Variants in USH2A observed in about 807,000 individuals in gnomAD.
USH2A encodes usherin, also known as Usher syndrome 2A (autosomal recessive, mild).
Under a neutral mutation model 538.9 loss-of-function variants are expected in USH2A, and 443 were observed. The observed-to-expected ratio is 0.82, with a 90% CI of 0.76 to 0.89. The LOEUF (loss-of-function observed/expected upper bound fraction) is 0.89. USH2A is among the 40% of genes least tolerant of loss of function. USH2A has a pLI of 0.00. For synonymous variants in USH2A, 2,413 were observed against 2,273.5 expected, an observed-to-expected ratio of 1.06 and a Z score of -1.75; for missense variants, 6,633 against 6,324.8, an observed-to-expected ratio of 1.05 and a Z score of -1.65.
chr1:216,368,161 C>G (rs575838413), intron 3 of USH2A, among the ~76,000 whole-genome samples: 31 of 151,610 alleles, frequency 2.0e-4, no homozygotes, highest in Non-Finnish European at 4.1e-4. Flanking sequence ...ACATTTGTGT[C>G]CCTGTGATAG....
At chr1:215,740,644 T>C (rs1204202144) in intron 60 of USH2A, among the ~76,000 whole-genome samples, 3 of 152,184 alleles carry the variant, frequency 2.0e-5, no homozygotes, top group Non-Finnish European at 1.5e-5. Flanking sequence ...TGAGAAATAT[T>C]AGAATTCTTG....
intron 5 of USH2A, 84 bp from the exon 6 acceptor site, chr1:216,325,683 T>A: frequency 7.6e-7 from 1 of 1,320,492 alleles, no homozygotes; most frequent in Admixed American, 2.2e-5. Flanking sequence ...TGAATGTCAC[T>A]CGTTTAGTGC....
chr1:215,636,732 C>T (rs775579651), intron 69 of USH2A, among the ~76,000 whole-genome samples: 13 of 151,994 alleles, frequency 8.6e-5, no homozygotes, highest in South Asian at 2.1e-4. Flanking sequence ...CTGCCACTCT[C>T]CTGCTTGGAG....
intron 55 of USH2A, among the ~76,000 whole-genome samples, chr1:215,774,065 C>A (rs1034996458): frequency 3.3e-5 from 5 of 152,234 alleles, no homozygotes; most frequent in Admixed American, 6.5e-5. Context: ...TTTCCTCCCC[C>A]CCATTGAGCA....
chr1:216,416,228 G>C (rs1298410196), intron 3 of USH2A, among the ~76,000 whole-genome samples: 1 of 152,010 alleles, frequency 6.6e-6, no homozygotes, highest in Non-Finnish European at 1.5e-5. Context: ...TATTCAGACT[G>C]TTGTCCAATA....
intron 3 of USH2A, among the ~76,000 whole-genome samples, chr1:216,395,170 C>T (rs1194015834): frequency 1.3e-5 from 2 of 152,084 alleles, no homozygotes; most frequent in Admixed American, 6.6e-5. Context: ...AATTATTTTT[C>T]TATCTTAAGC....
intron 69 of USH2A, among the ~76,000 whole-genome samples, chr1:215,637,889 G>A (rs567388484): frequency 2.0e-5 from 3 of 151,810 alleles, no homozygotes; most frequent in African/African-American, 7.2e-5. Flanking sequence ...ATTTAAAATA[G>A]GATATCAATC....
rs5780870 is a variant in USH2A at position 216,125,239 on chromosome 1, CA to C, written c.4628-28027del. Among the ~76,000 whole-genome samples, 402 of 145,254 alleles carry C rather than the reference CA, an allele frequency of 2.8e-3. 2 individuals carry two copies. Among genetic ancestry groups the C allele is most frequent in the South Asian group, 5.4e-3 (25 of 4,612 alleles). ...TTGAATCAGCTTTTATTTAAACAAGCAAAAAAAAAAAATCCTCATAGAATCT... is the reference window on the plus strand; with the variant it reads ...TTGAATCAGCTTTTATTTAAACAAGCAAAAAAAAAAATCCTCATAGAATCT... On this transcript the variant is annotated intron_variant, in intron 21 of 71. Transcript: ENST00000307340.
At chr1:216,348,876 A>C (rs2038226460) in intron 4 of USH2A, among the ~76,000 whole-genome samples, 1 of 152,092 alleles carries the variant, frequency 6.6e-6, no homozygotes, top group Non-Finnish European at 1.5e-5. Context: ...AAAAAACCAA[A>C]ATGAATGGGC....
chr1:215,999,651 AAC>A (rs1668219181), intron 33 of USH2A, among the ~76,000 whole-genome samples: 2 of 152,144 alleles, frequency 1.3e-5, no homozygotes, highest in African/African-American at 4.8e-5. Context: ...CAAGTCATAG[AAC>A]AGACAGGAAA....
At chr1:215,895,034 A>G (rs1020230468) in intron 40 of USH2A, among the ~76,000 whole-genome samples, 1 of 152,086 alleles carries the variant, frequency 6.6e-6, no homozygotes, top group African/African-American at 2.4e-5. Flanking sequence ...CTCATGGACA[A>G]CTCAGCTCTT....
intron 55 of USH2A, among the ~76,000 whole-genome samples, chr1:215,771,298 C>T (rs1469037066): frequency 4.0e-5 from 6 of 151,476 alleles, no homozygotes; most frequent in Non-Finnish European, 8.8e-5. Context: ...ATAAAAAATT[C>T]GGCCGGGCGC....
Position 216,422,483 on chromosome 1 carries a change from G to A in USH2A, c.-147C>T. 1 of 1,188,210 alleles carries A rather than the reference G, an allele frequency of 8.4e-7. No homozygotes were observed. The highest frequency in any genetic ancestry group is 1.2e-6 in the Non-Finnish European group (1 of 837,708). 73.6% of individuals were successfully genotyped at this position (1,188,210 alleles called of 1,614,324 possible). On this transcript the variant is annotated 5_prime_UTR_variant, in exon 2 of 72. Coordinates refer to ENST00000307340, the MANE Select transcript of USH2A (RefSeq NM_206933.4). Reference sequence around the variant, plus strand: ...TGGAAACTGCAGACACGTTCTCAGAGTAAGGTAATACCAACGACGTTCTTA... The same window carrying A: ...TGGAAACTGCAGACACGTTCTCAGAATAAGGTAATACCAACGACGTTCTTA...
chr1:216,153,111 C>A (rs568858421), intron 21 of USH2A, among the ~76,000 whole-genome samples: 1 of 152,272 alleles, frequency 6.6e-6, no homozygotes, highest in African/African-American at 2.4e-5. Context: ...CCACTGAGAG[C>A]CACCTCCATC....
At chr1:216,054,818 C>T (rs1385589992) in intron 30 of USH2A, among the ~76,000 whole-genome samples, 2 of 152,176 alleles carry the variant, frequency 1.3e-5, no homozygotes, top group Non-Finnish European at 2.9e-5. Flanking sequence ...TGTAATTGGA[C>T]AGGTGTCTGC....
chr1:215,913,929 T>G (rs1665879730), intron 38 of USH2A, among the ~76,000 whole-genome samples: 1 of 152,006 alleles, frequency 6.6e-6, no homozygotes, highest in African/African-American at 2.4e-5. Flanking sequence ...TTATAATTTA[T>G]TAACCTGCAT....
At position 215,998,364 on chromosome 1, in the gene USH2A, C is replaced by A. The variant is rs78753926; in HGVS notation, c.6657+523G>T. Among the ~76,000 whole-genome samples, 237 of 152,100 alleles carry A rather than the reference C, an allele frequency of 1.6e-3. 1 individual carries two copies. Among genetic ancestry groups the A allele is most frequent in the African/African-American group, 5.6e-3 (233 of 41,534 alleles). ...AAATGCTATTGTTTGTCTAAGGGAA[C>A]CTCTAAACTATGTTGATTCTGGGGT... On this transcript the variant is annotated intron_variant, in intron 34 of 71. Transcript: ENST00000307340.
At chr1:215,951,150 T>A (rs1478120077) in intron 37 of USH2A, among the ~76,000 whole-genome samples, 1 of 152,176 alleles carries the variant, frequency 6.6e-6, no homozygotes, top group East Asian at 1.9e-4. Context: ...GATGTTAGGG[T>A]GTCAATTTTA....
At chr1:216,291,570 A>G (rs891332227) in intron 10 of USH2A, among the ~76,000 whole-genome samples, 2 of 152,224 alleles carry the variant, frequency 1.3e-5, no homozygotes, top group East Asian at 1.9e-4. Flanking sequence ...CCACTTTGAA[A>G]CCCATCAGAT....
Sources: gnomAD v4.1 joint callset for allele counts (sites outside exome capture counted in the v4.1 genomes callset) on GRCh38, gnomAD v4.1.1 for gene constraint, MANE v1.5 for transcripts, NCBI Gene and HGNC (gene_info 2026-07-23, HGNC 2026-07-21) for gene names.